ENOSF1: variants seen among roughly 807,000 people sequenced by gnomAD.
The protein encoded by ENOSF1 is enolase superfamily member 1.
In ENOSF1, 73 loss-of-function variants were observed where a neutral mutation model predicts 68.2. The ratio of observed to expected loss-of-function variants is 1.07; its 90% confidence interval spans 0.89 to 1.30. The LOEUF (loss-of-function observed/expected upper bound fraction) is 1.30, where lower values mean the gene tolerates loss of function less well. ENOSF1 is among the 50% of genes most tolerant of loss of function. ENOSF1 has a pLI of 0.00. For missense variants in ENOSF1, 589 were observed against 554.5 expected, an observed-to-expected ratio of 1.06 and a Z score of -0.62; for synonymous variants, 223 against 210.4, an observed-to-expected ratio of 1.06 and a Z score of -0.52.
At chr18:699,884 A>G (rs2145277044) in intron 2 of ENOSF1, among the ~76,000 whole-genome samples, 1 of 152,350 alleles carries the variant, frequency 6.6e-6, no homozygotes, top group East Asian at 1.9e-4. Flanking sequence ...GTTTGAGACC[A>G]GCTTGGCCAA....
At chr18:667,185 T>C (rs207949), downstream of ENOSF1, among the ~76,000 whole-genome samples, 1 of 62,584 alleles carries the variant, frequency 1.6e-5, no homozygotes. Flanking sequence ...ATGGTGATGG[T>C]GATGGAGATG....
At chr18:682,082 T>C in intron 11 of ENOSF1, among the ~76,000 whole-genome samples, 1 of 152,130 alleles carries the variant, frequency 6.6e-6, no homozygotes, top group Non-Finnish European at 1.5e-5. Context: ...CTATGCAAAG[T>C]CACCTCAGGA....
At chr18:676,020 G>A (rs536112539) in intron 14 of ENOSF1, among the ~76,000 whole-genome samples, 12 of 152,290 alleles carry the variant, frequency 7.9e-5, no homozygotes, top group African/African-American at 2.4e-4. Flanking sequence ...AAACCCAGAT[G>A]CAGAACAATA....
chr18:707,384 C>A (rs1298834515), intron 1 of ENOSF1, among the ~76,000 whole-genome samples: 1 of 152,096 alleles, frequency 6.6e-6, no homozygotes, highest in Non-Finnish European at 1.5e-5. Context: ...GCTTTTTGAA[C>A]AAAGTTACAT....
chr18:676,096 A>T (rs2075485076), intron 14 of ENOSF1, among the ~76,000 whole-genome samples: 1 of 152,166 alleles, frequency 6.6e-6, no homozygotes, highest in Admixed American at 6.5e-5. Flanking sequence ...CAGCTATACA[A>T]ATGATTTAGA....
At chr18:699,540 TAAGTA>T (rs990078012) in intron 2 of ENOSF1, among the ~76,000 whole-genome samples, 2 of 152,026 alleles carry the variant, frequency 1.3e-5, no homozygotes, top group African/African-American at 2.4e-5. Flanking sequence ...AGATGATGAA[TAAGTA>T]AAGTAACCCT....
Position 673,040 on chromosome 18 carries a change from G to A in ENOSF1, c.*1265C>T, listed in dbSNP as rs2075138642. On this transcript the variant is annotated 3_prime_UTR_variant, in exon 16 of 16. Coordinates refer to ENST00000647584, the MANE Select transcript of ENOSF1 (RefSeq NM_017512.7). The stretch of plus-strand genomic sequence containing the variant: ...TCGAAGGATATTGTCAGTCTTTAGG[G>A]GTTGGGCTGGATGCCGAGGTAAAAG... 6.8e-7 allele frequency: 1 copy of A among 1,461,270 alleles called. No individual in the cohort carries two copies. The highest frequency in any genetic ancestry group is 9.2e-7 in the Non-Finnish European group (1 of 1,089,522). 90.5% of individuals were successfully genotyped at this position (1,461,270 alleles called of 1,614,324 possible).
the ENOSF1 span, among the ~76,000 whole-genome samples, chr18:665,174 T>G: frequency 1.3e-5 from 2 of 151,454 alleles, no homozygotes; most frequent in Non-Finnish European, 1.5e-5. Flanking sequence ...GGTAAGCTAT[T>G]GATTATTGCC....
At position 706,570 on chromosome 18, in the gene ENOSF1, G is replaced by C; in HGVS notation, c.93C>G (p.Asp31Glu). ...CGACATAGGCAGCCGAGTAGTCAGG[G>C]TCCGTGTGCTGCAGGAGAAGAGTTC... ...GGHGADAMHTDPDYSAAYVVI... is the reference protein window; with the variant it reads ...GGHGADAMHTEPDYSAAYVVI... The change falls in exon 2 of 16, where the codon GAC (aspartate) becomes GAG (glutamate). Residue 31 changes from aspartate (D) to glutamate (E), a missense_variant. Transcript: ENST00000647584. 6.2e-7 allele frequency: 1 copy of C among 1,613,100 alleles called. No homozygotes were observed. The highest frequency in any genetic ancestry group is 1.1e-5 in the South Asian group (1 of 91,044).
chr18:666,457 TTGG>T (rs2074817918), downstream of ENOSF1, among the ~76,000 whole-genome samples: 1 of 152,158 alleles, frequency 6.6e-6, no homozygotes, highest in African/African-American at 2.4e-5. Flanking sequence ...CCTGTCACTG[TTGG>T]TGTCACCTCT....
At position 697,340 on chromosome 18, in the gene ENOSF1, T is replaced by C; in HGVS notation, c.209A>G (p.Asn70Ser). ...GTTGAGCACATGGTGGGCGAGGGCA[T>C]TCACAGCACAGACAACTATTTAAAA... ...KGTEVVVCAVNALAHHVLNKD... is the reference protein window; with the variant it reads ...KGTEVVVCAVSALAHHVLNKD... Residue 70 changes from asparagine to serine, a missense_variant, in exon 3 of 16, where the codon AAT (asparagine) becomes AGT (serine). Asn to Ser is a conservative substitution (Grantham distance 46). Transcript: ENST00000647584. 1 of 1,613,188 alleles carries C rather than the reference T, an allele frequency of 6.2e-7. No individual in the cohort carries two copies. The highest frequency in any genetic ancestry group is 2.2e-5 in the East Asian group (1 of 44,878).
chr18:676,999 G>GTCTAGAC (rs1362791269), intron 14 of ENOSF1, among the ~76,000 whole-genome samples: 2 of 152,270 alleles, frequency 1.3e-5, no homozygotes, highest in Non-Finnish European at 2.9e-5. Context: ...ATAAATGTGT[G>GTCTAGAC]TCTAGACCAT....
intron 1 of ENOSF1, among the ~76,000 whole-genome samples, chr18:709,755 G>A (rs2079314047): frequency 6.6e-6 from 1 of 151,916 alleles, no homozygotes; most frequent in African/African-American, 2.4e-5. Flanking sequence ...TGGGCAACAA[G>A]CGAGACTCTG....
chr18:675,612 A>T (rs1176730597), intron 14 of ENOSF1: 2 of 567,590 alleles, frequency 3.5e-6, no homozygotes, highest in Non-Finnish European at 6.3e-6. Context: ...GGGGACTTTG[A>T]TGACATGAAC....
In ENOSF1 at chr18:672,656, A is replaced by G; in HGVS notation, c.*1649T>C. The G allele has an allele frequency of 2.3e-6, 1 of 428,592 alleles. No individual in the cohort carries two copies. Among genetic ancestry groups the G allele is most frequent in the South Asian group, 7.8e-5 (1 of 12,854 alleles). The allele number at this position is 428,592 out of a possible 1,614,324, so 26.5% of individuals were successfully genotyped here. On this transcript the variant is annotated 3_prime_UTR_variant, in exon 16 of 16. Transcript: ENST00000647584. ...CTGATGCTGTGTAATGTCACAAAAT[A>G]CCCCTCACTCTCGATCTGTGCAAGA...
intron 2 of ENOSF1, among the ~76,000 whole-genome samples, chr18:698,066 T>C (rs909212049): frequency 6.6e-6 from 1 of 152,240 alleles, no homozygotes; most frequent in African/African-American, 2.4e-5. Flanking sequence ...AGTTCTGGGA[T>C]TACAGGCATA....
Position 697,254 on chromosome 18 carries a change from C to T in ENOSF1, c.295G>A (p.Gly99Arg), listed in dbSNP as rs1437650355. 2.5e-6 allele frequency: 4 copies of T among 1,613,536 alleles called. No homozygotes were observed. The highest frequency in any genetic ancestry group is 3.4e-6 in the Non-Finnish European group (4 of 1,179,630). The change falls in exon 3 of 16, where the codon GGG (glycine) becomes AGG (arginine). Residue 99 changes from glycine (G) to arginine (R), a missense_variant. Coordinates refer to ENST00000647584, the MANE Select transcript of ENOSF1 (RefSeq NM_017512.7). ...RGFYRQLTSD[G>R]QLRWIGPEKG... ...AGGTCCCTTACCCATCTGAGCTGCC[C>T]ATCACTTGTGAGCTGCCTATAGAAG...
chr18:691,511 AATTT>A, intron 5 of ENOSF1: 1 of 451,972 alleles, frequency 2.2e-6, no homozygotes, highest in Non-Finnish European at 4.0e-6. Context: ...ATGCCCGGCT[AATTT>A]ATTTTTATTT....
chr18:704,440 G>GAAAAGA (rs1555671902), intron 2 of ENOSF1, among the ~76,000 whole-genome samples: 2 of 97,254 alleles, frequency 2.1e-5, no homozygotes, highest in African/African-American at 3.8e-5. Flanking sequence ...AAAAAGAAAA[G>GAAAAGA]AAAAAAAAAA....
Sources: gnomAD v4.1 joint callset for allele counts (sites outside exome capture counted in the v4.1 genomes callset) on GRCh38, gnomAD v4.1.1 for gene constraint, MANE v1.5 for transcripts, NCBI Gene and HGNC (gene_info 2026-07-23, HGNC 2026-07-21) for gene names.